Variants in CNOT7 observed in about 807,000 individuals in gnomAD.
CNOT7 encodes the protein CCR4-NOT transcription complex subunit 7, also known as BTG1-binding factor 1.
Under a neutral mutation model 37.1 loss-of-function variants are expected in CNOT7, and 4 were observed. The observed-to-expected ratio is 0.11, with a 90% confidence interval of 0.05 to 0.25. The LOEUF is 0.25. Among genes scored for constraint, CNOT7 ranks in the 10% least tolerant of loss-of-function variants. The probability of loss-of-function intolerance (pLI) is 1.00; values close to 1 mark genes in which losing one functional copy is unlikely to be tolerated. For synonymous variants in CNOT7, 128 were observed against 115.6 expected (o/e 1.11, Z -0.69); for missense variants, 170 against 336.2 (o/e 0.51, Z 3.87).
rs541943173 is a variant in CNOT7 at position 17,229,828 on chromosome 8, G to A, written c.*892C>T. On this transcript the variant is annotated 3_prime_UTR_variant, in exon 7 of 7. Transcript: ENST00000361272. ...ACAAATCAAGAGCATCATAAGAATG[G>A]CTACAAAATTTAAAAAAAAAAAAAG... 2 of 128,204 alleles carry A rather than the reference G, an allele frequency of 1.6e-5. No homozygotes were observed. The highest frequency in any genetic ancestry group is 3.6e-5 in the Non-Finnish European group (2 of 54,894). 7.9% of individuals were successfully genotyped at this position (128,204 alleles called of 1,614,324 possible).
rs1808295472 is a variant in CNOT7 at position 17,228,359 on chromosome 8, T to C, written c.*2361A>G. The C allele has an allele frequency of 6.6e-6, 1 of 151,762 alleles. No homozygotes were observed. The highest frequency in any genetic ancestry group is 1.5e-5 in the Non-Finnish European group (1 of 67,790). The allele number at this position is 151,762 out of a possible 1,614,324, so 9.4% of individuals were successfully genotyped here. On this transcript the variant is annotated 3_prime_UTR_variant, in exon 7 of 7. Coordinates refer to ENST00000361272, the MANE Select transcript of CNOT7 (RefSeq NM_013354.7). ...AACATTGAGACTGTCTGGAACAAAA[T>C]AAAAAAGTAAAACTTAGACCCAGTA... is the stretch of plus-strand genomic sequence containing the variant.
intron 6 of CNOT7, 159 bp downstream of exon 6, chr8:17,232,268 A>T (rs1808738506): frequency 6.8e-7 from 1 of 1,469,850 alleles, no homozygotes; most frequent in South Asian, 1.4e-5. Context: ...AAGATGACTT[A>T]TTTTTGAATA....
rs1255404772 is a variant in CNOT7, at chr8:17,225,830, A to C, written c.*4890T>G. On this transcript the variant is annotated 3_prime_UTR_variant, in exon 7 of 7. Transcript: ENST00000361272. The stretch of plus-strand genomic sequence containing the variant: ...ACTACAAAGCACCGACACACAGAAT[A>C]ATCAGCATTTTTCCTATCCCTTTAT... 2.0e-5 allele frequency: 3 copies of C among 151,712 alleles called. No homozygotes were observed. The highest frequency in any genetic ancestry group is 4.8e-5 in the African/African-American group (2 of 41,394). 9.4% of individuals were successfully genotyped at this position (151,712 alleles called of 1,614,324 possible). A position where few individuals can be genotyped will look rare whatever the true frequency, so the allele number is the denominator to read the frequency against.
rs1329524701 is a variant in CNOT7, at chr8:17,246,774, G to C, written c.-195C>G. Reference sequence around the variant, plus strand: ...GTGGCGGTAGCGGCGGCGGCAGCGGGTGCCCCATAGACACCTCTCGCCCAG... The same window carrying C: ...GTGGCGGTAGCGGCGGCGGCAGCGGCTGCCCCATAGACACCTCTCGCCCAG... On this transcript the variant is annotated 5_prime_UTR_variant, in exon 1 of 7. Coordinates refer to ENST00000361272, the MANE Select transcript of CNOT7 (RefSeq NM_013354.7). 5.4e-6 allele frequency: 1 copy of C among 184,670 alleles called. No individual in the cohort carries two copies. Among genetic ancestry groups the C allele is most frequent in the Non-Finnish European group, 1.1e-5 (1 of 88,550 alleles). The allele number at this position is 184,670 out of a possible 1,614,324, so 11.4% of individuals were successfully genotyped here. A position where few individuals can be genotyped will look rare whatever the true frequency, so the allele number is the denominator to read the frequency against.
In CNOT7 at chr8:17,226,810, G is replaced by A. The variant is rs1041909038; in HGVS notation, c.*3910C>T. 3 of 151,654 alleles carry A rather than the reference G, an allele frequency of 2.0e-5. No individual in the cohort carries two copies. Among genetic ancestry groups the A allele is most frequent in the African/African-American group, 4.8e-5 (2 of 41,354 alleles). 9.4% of individuals were successfully genotyped at this position (151,654 alleles called of 1,614,324 possible). Reference sequence around the variant, plus strand: ...TGTAATTTCAGGTCAAATTCATTAAGAAACATTTTCAAGTCTGTGGCAAAA... The same window carrying A: ...TGTAATTTCAGGTCAAATTCATTAAAAAACATTTTCAAGTCTGTGGCAAAA... On this transcript the variant is annotated 3_prime_UTR_variant, in exon 7 of 7. Coordinates refer to ENST00000361272, the MANE Select transcript of CNOT7 (RefSeq NM_013354.7).
intron 3 of CNOT7, 92 bp from the exon 4 acceptor site, chr8:17,237,465 A>G: frequency 8.2e-7 from 1 of 1,214,882 alleles, no homozygotes; most frequent in Non-Finnish European, 1.2e-6. Context: ...AGTGCCAGAA[A>G]AGAGACAGAG....
chr8:17,242,217 A>ATGAAGGT (rs1317917811), intron 3 of CNOT7: 1 of 152,194 alleles, frequency 6.6e-6, no homozygotes, highest in Admixed American at 6.5e-5. Flanking sequence ...TTTATTTTTT[A>ATGAAGGT]TGAAGGTTAC....
intron 3 of CNOT7, among the ~76,000 whole-genome samples, chr8:17,240,213 G>A (rs1399809426): frequency 6.6e-6 from 1 of 152,156 alleles, no homozygotes; most frequent in East Asian, 1.9e-4. Flanking sequence ...GTTTTTCACT[G>A]TATCCTTCTC....
At position 17,225,608 on chromosome 8, in the gene CNOT7, C is replaced by T. The variant is rs1271350001; in HGVS notation, c.*5112G>A. ...TGATAATGTACATGAATCTTGTTTT[C>T]TTGGAATTTTCATTCTATGGTGACA... On this transcript the variant is annotated 3_prime_UTR_variant, in exon 7 of 7. Transcript: ENST00000361272. 6.6e-6 allele frequency: 1 copy of T among 151,686 alleles called. No individual in the cohort carries two copies. Among genetic ancestry groups the T allele is most frequent in the Non-Finnish European group, 1.5e-5 (1 of 67,676 alleles). The allele number at this position is 151,686 out of a possible 1,614,324, so 9.4% of individuals were successfully genotyped here.
rs1808396094 is a variant in CNOT7, at chr8:17,229,732, A to G, written c.*988T>C. On this transcript the variant is annotated 3_prime_UTR_variant, in exon 7 of 7. Transcript: ENST00000361272. ...TATGAAAGCACAATTTTTGTCTTCT[A>G]ATTTAATTTGGTACAAAATATACCT... 6.6e-6 allele frequency: 1 copy of G among 151,992 alleles called. No individual in the cohort carries two copies. Among genetic ancestry groups the G allele is most frequent in the Admixed American group, 6.6e-5 (1 of 15,194 alleles). 9.4% of individuals were successfully genotyped at this position (151,992 alleles called of 1,614,324 possible).
At position 17,229,951 on chromosome 8, in the gene CNOT7, A is replaced by G. The variant is rs2088621329; in HGVS notation, c.*769T>C. 1 of 152,386 alleles carries G rather than the reference A, an allele frequency of 6.6e-6. No homozygotes were observed. The highest frequency in any genetic ancestry group is 6.6e-5 in the Admixed American group (1 of 15,252). 9.4% of individuals were successfully genotyped at this position (152,386 alleles called of 1,614,324 possible). Reference sequence around the variant, plus strand: ...ATCTTGAGTACCAGTTTCCTGGCAGATAGTAAACATCCAATCACAAGGGAT... The same window carrying G: ...ATCTTGAGTACCAGTTTCCTGGCAGGTAGTAAACATCCAATCACAAGGGAT... On this transcript the variant is annotated 3_prime_UTR_variant, in exon 7 of 7. Transcript: ENST00000361272.
Position 17,229,650 on chromosome 8 carries a change from A to G in CNOT7, c.*1070T>C, listed in dbSNP as rs189184965. ...CAGCTATATATATATATATGAGAATATATATATATTTTGTTGTTTTGTACC... is the reference window on the plus strand; with the variant it reads ...CAGCTATATATATATATATGAGAATGTATATATATTTTGTTGTTTTGTACC... On this transcript the variant is annotated 3_prime_UTR_variant, in exon 7 of 7. Transcript: ENST00000361272. 6 of 151,756 alleles carry G rather than the reference A, an allele frequency of 4.0e-5. 1 individual carries two copies. Among genetic ancestry groups the G allele is most frequent in the Admixed American group, 2.0e-4 (3 of 15,156 alleles). 9.4% of individuals were successfully genotyped at this position (151,756 alleles called of 1,614,324 possible). A position where few individuals can be genotyped will look rare whatever the true frequency, so the allele number is the denominator to read the frequency against.
At position 17,226,920 on chromosome 8, in the gene CNOT7, A is replaced by G. The variant is rs1808194810; in HGVS notation, c.*3800T>C. 1 of 151,698 alleles carries G rather than the reference A, an allele frequency of 6.6e-6. No homozygotes were observed. Among genetic ancestry groups the G allele is most frequent in the Non-Finnish European group, 1.5e-5 (1 of 67,712 alleles). The allele number at this position is 151,698 out of a possible 1,614,324, so 9.4% of individuals were successfully genotyped here. A position where few individuals can be genotyped will look rare whatever the true frequency, so the allele number is the denominator to read the frequency against. On this transcript the variant is annotated 3_prime_UTR_variant, in exon 7 of 7. Coordinates refer to ENST00000361272, the MANE Select transcript of CNOT7 (RefSeq NM_013354.7). Reference sequence around the variant, plus strand: ...CAGAAAAATTTCAATGTCAGCCCAGAGCCCAAAAAAATAAAAATAAATCTT... The same window carrying G: ...CAGAAAAATTTCAATGTCAGCCCAGGGCCCAAAAAAATAAAAATAAATCTT...
chr8:17,235,722 C>T (rs1005527251), intron 4 of CNOT7, among the ~76,000 whole-genome samples: 2 of 152,066 alleles, frequency 1.3e-5, no homozygotes, highest in Non-Finnish European at 2.9e-5. Flanking sequence ...ATTATATTAG[C>T]GCTTAGGATT....
At chr8:17,238,408 A>G (rs1304977640) in intron 3 of CNOT7, among the ~76,000 whole-genome samples, 2 of 152,164 alleles carry the variant, frequency 1.3e-5, no homozygotes, top group Non-Finnish European at 2.9e-5. Context: ...AACAATGGAA[A>G]TATTTTAAAA....
intron 3 of CNOT7, among the ~76,000 whole-genome samples, chr8:17,240,642 T>C (rs575703712): frequency 6.6e-6 from 1 of 152,136 alleles, no homozygotes; most frequent in Non-Finnish European, 1.5e-5. Flanking sequence ...TACCTCCTTC[T>C]CACGTACTGA....
chr8:17,238,704 G>A (rs972187158), intron 3 of CNOT7, among the ~76,000 whole-genome samples: 5 of 152,152 alleles, frequency 3.3e-5, no homozygotes, highest in African/African-American at 9.7e-5. Flanking sequence ...CAAGGTATAG[G>A]TATACAAGTA....
intron 6 of CNOT7, chr8:17,231,874 A>T: frequency 1.0e-6 from 1 of 986,110 alleles, no homozygotes; most frequent in Non-Finnish European, 1.2e-6. Flanking sequence ...CGTTGGATTT[A>T]TTTGATCCCT....
chr8:17,238,226 T>C (rs1463874660), intron 3 of CNOT7, among the ~76,000 whole-genome samples: 1 of 152,232 alleles, frequency 6.6e-6, no homozygotes, highest in Non-Finnish European at 1.5e-5. Context: ...AAGTGTTTTT[T>C]TATTTACTTT....
Sources: allele counts gnomAD v4.1 joint callset (sites outside exome capture counted in the v4.1 genomes callset), GRCh38; gene constraint gnomAD v4.1.1; transcripts MANE v1.5; gene names NCBI Gene and HGNC (gene_info 2026-07-23, HGNC 2026-07-21).